Variants in TLK2 observed in about 807,000 individuals in gnomAD.
TLK2 encodes serine/threonine-protein kinase tousled-like 2.
TLK2 carries 6 observed loss-of-function variants against 117.3 expected under a neutral mutation model. That is an observed-to-expected ratio of 0.05 (90% CI 0.03 to 0.10). The LOEUF is 0.10. Among genes scored for constraint, TLK2 ranks in the 10% least tolerant of loss-of-function variants. TLK2 has a pLI of 1.00. For synonymous variants in TLK2, 257 were observed against 316.7 expected (o/e 0.81, Z 2.00); for missense variants, 299 against 901.2 (o/e 0.33, Z 8.56).
At chr17:62,522,151 T>C (rs1567843744) in intron 3 of TLK2, 53 bp from the exon 4 acceptor site, 2 of 1,588,494 alleles carry the variant, frequency 1.3e-6, no homozygotes, top group East Asian at 4.5e-5. Flanking sequence ...CTGTTTTTCC[T>C]AACGTGAAAA....
At position 62,552,376 on chromosome 17, in the gene TLK2, C is replaced by T. The variant is rs1194826205; in HGVS notation, c.606C>T (p.Ser202=). ...CCTGCAGCTCCCAAAAACAGATCTCCATCCAGCACAGACAGACCCAGGTAG... is the reference window on the plus strand; with the variant it reads ...CCTGCAGCTCCCAAAAACAGATCTCTATCCAGCACAGACAGACCCAGGTAG... The part of the protein sequence containing the change: ...EHSCSSQKQI[S]IQHRQTQSDL... Residue 202 remains serine (S), a synonymous_variant, in exon 8 of 22, where the codon TCC becomes TCT. Coordinates refer to ENST00000346027, the MANE Select transcript of TLK2 (RefSeq NM_006852.6). 1.9e-6 allele frequency: 3 copies of T among 1,613,824 alleles called. No homozygotes were observed. The African/African-American group carries it at 4.0e-5, about 22-fold the overall frequency.
In TLK2 at chr17:62,587,699, G is replaced by A. The variant is rs115804839; in HGVS notation, c.1460+1473G>A. 5.2e-3 allele frequency among the ~76,000 whole-genome samples: 798 copies of A among 152,268 alleles called. 5 individuals carry two copies. The highest frequency in any genetic ancestry group is 0.018 in the African/African-American group (756 of 41,560). ...GCGTGTGTTTCTTAGGTGACAGGCAGCTGCAGTCCAGATGCTCCTGAGGAG... is the reference window on the plus strand; with the variant it reads ...GCGTGTGTTTCTTAGGTGACAGGCAACTGCAGTCCAGATGCTCCTGAGGAG... On this transcript the variant is annotated intron_variant, in intron 16 of 21. Transcript: ENST00000346027.
intron 7 of TLK2, chr17:62,552,078 T>C (rs2078508730): frequency 1.8e-6 from 1 of 569,144 alleles, no homozygotes; most frequent in South Asian, 2.2e-5. Context: ...TTTGATACTT[T>C]AAACCTGTTT....
At chr17:62,607,150 CTGTT>C (rs1381036344) in intron 20 of TLK2, among the ~76,000 whole-genome samples, 3 of 151,198 alleles carry the variant, frequency 2.0e-5, no homozygotes, top group African/African-American at 7.3e-5. Flanking sequence ...CTAGAAATAA[CTGTT>C]TGAGAGAGAT....
intron 20 of TLK2, among the ~76,000 whole-genome samples, chr17:62,607,495 C>CTCCA (rs1320228747): frequency 6.6e-6 from 1 of 151,858 alleles, no homozygotes; most frequent in Non-Finnish European, 1.5e-5. Context: ...TGCCACTGTA[C>CTCCA]TCCAGTCTGG....
intron 2 of TLK2, among the ~76,000 whole-genome samples, chr17:62,500,754 A>G (rs1392678917): frequency 1.3e-5 from 2 of 152,232 alleles, no homozygotes; most frequent in Admixed American, 1.3e-4. Context: ...TGAAATGTGT[A>G]GTGTCTACTC....
intron 2 of TLK2, among the ~76,000 whole-genome samples, chr17:62,503,225 A>C (rs2074367694): frequency 6.6e-6 from 1 of 151,516 alleles, no homozygotes; most frequent in South Asian, 2.1e-4. Context: ...ATGCTTGGCT[A>C]ATTTTTGTAT....
Position 62,560,521 on chromosome 17 carries a change from G to T in TLK2, c.831+395G>T, listed in dbSNP as rs188987696. On this transcript the variant is annotated intron_variant, in intron 10 of 21. Transcript: ENST00000346027. ...GAATAACTTATGTATATAATAATGT[G>T]ATAATTAATGCTTTGTGCATTAAAA... 2.7e-3 allele frequency among the ~76,000 whole-genome samples: 373 copies of T among 139,526 alleles called. 1 individual carries two copies. Among genetic ancestry groups the T allele is most frequent in the African/African-American group, 9.3e-3 (352 of 37,690 alleles). The allele number at this position is 139,526 out of a possible 152,430, so 91.5% of individuals were successfully genotyped here.
At chr17:62,586,666 A>C (rs1045194181) in intron 16 of TLK2, among the ~76,000 whole-genome samples, 5 of 152,000 alleles carry the variant, frequency 3.3e-5, no homozygotes, top group African/African-American at 4.8e-5. Flanking sequence ...CTAAAAATAC[A>C]AAAAATTAGT....
chr17:62,488,834 T>G (rs2144627597), intron 2 of TLK2, among the ~76,000 whole-genome samples: 1 of 147,852 alleles, frequency 6.8e-6, no homozygotes, highest in African/African-American at 2.5e-5. Context: ...TTTTTTTTTT[T>G]TTTTTTTTTG....
At chr17:62,599,559 G>A (rs1233286026) in intron 17 of TLK2, among the ~76,000 whole-genome samples, 1 of 152,058 alleles carries the variant, frequency 6.6e-6, no homozygotes, top group Non-Finnish European at 1.5e-5. Context: ...CTCCCTCCCC[G>A]CAATTCTAGT....
In TLK2 at chr17:62,553,170, A is replaced by G. The variant is rs189697787; in HGVS notation, c.628-493A>G. ...GAGAATTTCTTAAATCTCAAGAGGT[A>G]TACAACTCCCTGGAGCACATTTGAA... is the stretch of plus-strand genomic sequence containing the variant. On this transcript the variant is annotated intron_variant, in intron 8 of 21. Transcript: ENST00000346027. Among the ~76,000 whole-genome samples, 75 of 152,294 alleles carry G rather than the reference A, an allele frequency of 4.9e-4. 1 individual carries two copies. The East Asian group carries it at 0.012, about 24-fold the overall frequency.
At chr17:62,515,439 A>G (rs2075503284) in intron 2 of TLK2, among the ~76,000 whole-genome samples, 1 of 152,142 alleles carries the variant, frequency 6.6e-6, no homozygotes, top group South Asian at 2.1e-4. Context: ...TCCCATCAAC[A>G]GTGTGCAAGT....
chr17:62,480,269 A>T (rs1436678319), intron 1 of TLK2, among the ~76,000 whole-genome samples: 1 of 152,200 alleles, frequency 6.6e-6, no homozygotes, highest in Non-Finnish European at 1.5e-5. Context: ...TTTCTTTTCC[A>T]CTGTTAATAT....
intron 2 of TLK2, among the ~76,000 whole-genome samples, chr17:62,490,058 G>C (rs535725017): frequency 2.0e-5 from 3 of 152,268 alleles, no homozygotes; most frequent in Non-Finnish European, 2.9e-5. Context: ...TTGAACTCCT[G>C]ACCTCAAGTG....
chr17:62,502,408 G>A (rs553823782), intron 2 of TLK2, among the ~76,000 whole-genome samples: 2 of 152,216 alleles, frequency 1.3e-5, no homozygotes, highest in South Asian at 2.1e-4. Flanking sequence ...CTGATAAAAG[G>A]CATTTATGAA....
intron 16 of TLK2, among the ~76,000 whole-genome samples, chr17:62,594,861 CAT>C (rs2082350422): frequency 6.6e-6 from 1 of 152,034 alleles, no homozygotes; most frequent in African/African-American, 2.4e-5. Context: ...GAACCCAACA[CAT>C]GTGCCTTTGG....
intron 6 of TLK2, 31 bp from the exon 7 acceptor site, chr17:62,536,139 G>A: frequency 6.3e-7 from 1 of 1,599,188 alleles, no homozygotes; most frequent in Non-Finnish European, 8.5e-7. Context: ...TCTTTCTCAT[G>A]TCATTTGTGT....
Position 62,536,248 on chromosome 17 carries a change from A to T in TLK2, c.442A>T (p.Thr148Ser). ...EATEEQSALPTLMSVMLAKPR... is the reference protein window; with the variant it reads ...EATEEQSALPSLMSVMLAKPR... ...AACGGAGGAGCAGTCTGCTCTGCCA[A>T]CCCTCATGTCAGTGATGCTAGCAAA... Residue 148 changes from threonine (T) to serine (S), a missense_variant, in exon 7 of 22, where the codon ACC becomes TCC. Coordinates refer to ENST00000346027, the MANE Select transcript of TLK2 (RefSeq NM_006852.6). 1 of 1,613,364 alleles carries T rather than the reference A, an allele frequency of 6.2e-7. No individual in the cohort carries two copies. Among genetic ancestry groups the T allele is most frequent in the South Asian group, 1.1e-5 (1 of 91,040 alleles).
Sources: allele counts gnomAD v4.1 joint callset (sites outside exome capture counted in the v4.1 genomes callset), GRCh38; gene constraint gnomAD v4.1.1; transcripts MANE v1.5; gene names NCBI Gene and HGNC (gene_info 2026-07-23, HGNC 2026-07-21).